The following GRID1 variants were observed in gnomAD, a reference collection of about 807,000 sequenced individuals.
GRID1 encodes the protein glutamate receptor ionotropic, delta-1.
In GRID1, 28 loss-of-function variants were observed where a neutral mutation model predicts 98.0. The observed-to-expected ratio is 0.29, with a 90% CI of 0.21 to 0.39. The LOEUF is 0.39. Ranked by LOEUF, GRID1 falls within the 10% of genes least tolerant of loss-of-function variation. GRID1 has a pLI of 1.00. For synonymous variants in GRID1, 553 were observed against 538.5 expected, an observed-to-expected ratio of 1.03 and a Z score of -0.37; for missense variants, 1,111 against 1,340.5, an observed-to-expected ratio of 0.83 and a Z score of 2.67.
intron 4 of GRID1, among the ~76,000 whole-genome samples, chr10:85,941,121 G>A (rs1318973627): frequency 2.0e-5 from 3 of 152,164 alleles, no homozygotes; most frequent in Admixed American, 6.5e-5. Flanking sequence ...AGGAGGGTTG[G>A]TCTTCATAAT....
At chr10:85,882,367 C>T (rs1229938723) in intron 5 of GRID1, among the ~76,000 whole-genome samples, 1 of 152,110 alleles carries the variant, frequency 6.6e-6, no homozygotes, top group Admixed American at 6.6e-5. Context: ...AGACTTGGAA[C>T]CAACCCAAAT....
At chr10:86,079,682 C>T (rs1335056546) in intron 4 of GRID1, among the ~76,000 whole-genome samples, 1 of 152,150 alleles carries the variant, frequency 6.6e-6, no homozygotes, top group Non-Finnish European at 1.5e-5. Context: ...CCTCCGTGTC[C>T]TCCTCTGTCC....
intron 13 of GRID1, chr10:85,645,417 T>C (rs905826314): frequency 6.6e-6 from 1 of 152,262 alleles, no homozygotes; most frequent in African/African-American, 2.4e-5. Flanking sequence ...TAGAGCATCA[T>C]CCTTTGCAGT....
At chr10:85,656,300 C>T (rs1239838206) in intron 12 of GRID1, among the ~76,000 whole-genome samples, 1 of 152,216 alleles carries the variant, frequency 6.6e-6, no homozygotes, top group African/African-American at 2.4e-5. Context: ...CTCCTCCCAC[C>T]TTGGAGGACC....
chr10:86,268,974 A>G lies in GRID1; in HGVS notation c.236-62326T>C, dbSNP rs535894500. The stretch of plus-strand genomic sequence containing the variant: ...CACTGCACTCCAGCCCGGGTGACAG[A>G]GTGAGACTCTGTCTCAAAAAAAAAT... On this transcript the variant is annotated intron_variant, in intron 2 of 15. Transcript: ENST00000327946. 2.6e-5 allele frequency among the ~76,000 whole-genome samples: 4 copies of G among 151,768 alleles called. No homozygotes were observed. In the East Asian group the frequency reaches 7.8e-4, roughly 30 times the overall value.
chr10:86,105,745 A>G (rs1844375187), intron 4 of GRID1, among the ~76,000 whole-genome samples: 1 of 152,194 alleles, frequency 6.6e-6, no homozygotes, highest in African/African-American at 2.4e-5. Context: ...GGAGAGATTG[A>G]CATCAGTCAA....
chr10:85,863,123 C>CA (rs1002290895), intron 6 of GRID1, among the ~76,000 whole-genome samples: 1 of 152,058 alleles, frequency 6.6e-6, no homozygotes, highest in Admixed American at 6.5e-5. Flanking sequence ...GTCACTGTAA[C>CA]AAAAAAACAC....
intron 5 of GRID1, among the ~76,000 whole-genome samples, chr10:85,877,240 G>C (rs972489633): frequency 1.3e-5 from 2 of 152,230 alleles, no homozygotes; most frequent in Non-Finnish European, 2.9e-5. Flanking sequence ...CTGTTTGACA[G>C]CTTTGAAGAG....
intron 8 of GRID1, among the ~76,000 whole-genome samples, chr10:85,795,687 G>A (rs1300160204): frequency 3.3e-5 from 5 of 152,184 alleles, no homozygotes; most frequent in Admixed American, 6.5e-5. Context: ...GCAACGGCAC[G>A]TCGAATCCTG....
chr10:85,875,670 T>G (rs571495734), intron 5 of GRID1, among the ~76,000 whole-genome samples: 2 of 152,338 alleles, frequency 1.3e-5, no homozygotes, highest in African/African-American at 4.8e-5. Flanking sequence ...GATATTTTAA[T>G]ATGCATATCT....
intron 2 of GRID1, among the ~76,000 whole-genome samples, chr10:86,239,030 T>C (rs1846584813): frequency 6.6e-6 from 1 of 152,120 alleles, no homozygotes; most frequent in African/African-American, 2.4e-5. Flanking sequence ...CACCAACAGC[T>C]TGCAACATGT....
At chr10:85,707,352 G>A (rs555879369) in intron 12 of GRID1, among the ~76,000 whole-genome samples, 7 of 152,120 alleles carry the variant, frequency 4.6e-5, no homozygotes, top group Non-Finnish European at 1.0e-4. Context: ...GCAGCCAACA[G>A]ACACATGAAA....
intron 4 of GRID1, among the ~76,000 whole-genome samples, chr10:86,106,686 G>C (rs1256105033): frequency 2.0e-5 from 3 of 152,236 alleles, no homozygotes; most frequent in African/African-American, 2.4e-5. Context: ...CTGATCATCA[G>C]AGATGATCAG....
intron 2 of GRID1, among the ~76,000 whole-genome samples, chr10:86,337,698 CTTTTTTTTT>C (rs57891044): frequency 9.6e-5 from 7 of 73,282 alleles, no homozygotes; most frequent in Non-Finnish European, 7.1e-5. Context: ...CCTTTGGGAA[CTTTTTTTTT>C]TTTTTTTTTT....
chr10:85,856,209 T>C lies in GRID1; in HGVS notation c.952-19A>G. ...TGGAGATCTGCAAAGACAGAGGCAG[T>C]GAAACCCTTTCCACAGGTGCATTTC... On this transcript the variant is annotated intron_variant, in intron 6 of 15. Coordinates refer to ENST00000327946, the MANE Select transcript of GRID1 (RefSeq NM_017551.3). 6.2e-7 allele frequency: 1 copy of C among 1,612,306 alleles called. No individual in the cohort carries two copies. The highest frequency in any genetic ancestry group is 8.5e-7 in the Non-Finnish European group (1 of 1,178,518).
intron 12 of GRID1, among the ~76,000 whole-genome samples, chr10:85,694,153 C>T (rs59004782): frequency 0.045 from 6,874 of 152,074 alleles, 472 homozygotes; most frequent in African/African-American, 0.15. Flanking sequence ...AACATACCAA[C>T]GATCAACAAA....
rs1435336095 is a variant in GRID1, at chr10:86,315,313, T to A, written c.235+48628A>T. On this transcript the variant is annotated intron_variant, in intron 2 of 15. Coordinates refer to ENST00000327946, the MANE Select transcript of GRID1 (RefSeq NM_017551.3). ...GCAAGGTTCTTGCAATTTGTCACCCTGGCCAGGCATAGCCACACGCCAGCC... is the reference window on the plus strand; with the variant it reads ...GCAAGGTTCTTGCAATTTGTCACCCAGGCCAGGCATAGCCACACGCCAGCC... 2.0e-4 allele frequency among the ~76,000 whole-genome samples: 31 copies of A among 152,170 alleles called. 1 individual carries two copies. The highest frequency in any genetic ancestry group is 2.0e-3 in the Admixed American group (30 of 15,284).
intron 12 of GRID1, among the ~76,000 whole-genome samples, chr10:85,651,502 C>T (rs1456862694): frequency 6.6e-6 from 1 of 152,204 alleles, no homozygotes; most frequent in East Asian, 1.9e-4. Flanking sequence ...CCCATCAGCC[C>T]CCAGTCTACT....
At chr10:85,936,996 C>A (rs995002564) in intron 4 of GRID1, among the ~76,000 whole-genome samples, 1 of 152,212 alleles carries the variant, frequency 6.6e-6, no homozygotes, top group African/African-American at 2.4e-5. Context: ...CAAGCCCAGA[C>A]CGACCTGGAG....
Sources: allele counts gnomAD v4.1 joint callset (sites outside exome capture counted in the v4.1 genomes callset), GRCh38; gene constraint gnomAD v4.1.1; transcripts MANE v1.5; gene names NCBI Gene and HGNC (gene_info 2026-07-23, HGNC 2026-07-21).